DTNB: variants seen among roughly 807,000 people sequenced by gnomAD.
DTNB encodes dystrobrevin beta, also known as DTN-B.
Under a neutral mutation model 90.7 loss-of-function variants are expected in DTNB, and 63 were observed. That is an observed-to-expected ratio of 0.69 (90% CI 0.57 to 0.86). The LOEUF is 0.86. Ranked by LOEUF, DTNB falls within the 40% of genes least tolerant of loss-of-function variation. The pLI, the probability that DTNB is intolerant of heterozygous loss-of-function variation, is 0.00. For missense variants in DTNB, 744 were observed against 807.1 expected, an observed-to-expected ratio of 0.92 and a Z score of 0.95; for synonymous variants, 277 against 286.7, an observed-to-expected ratio of 0.97 and a Z score of 0.34.
At chr2:25,481,665 C>T (rs2064996120) in intron 10 of DTNB, 1 of 152,224 alleles carries the variant, frequency 6.6e-6, no homozygotes, top group Admixed American at 6.5e-5. Flanking sequence ...TATTAAGTCC[C>T]TAACTTCTCT....
chr2:25,472,748 G>C (rs937889803), intron 10 of DTNB, among the ~76,000 whole-genome samples: 1 of 152,166 alleles, frequency 6.6e-6, no homozygotes, highest in African/African-American at 2.4e-5. Flanking sequence ...GCTGGGTGTG[G>C]TGGCACACGC....
intron 10 of DTNB, among the ~76,000 whole-genome samples, chr2:25,461,969 C>T (rs1356406746): frequency 6.6e-6 from 1 of 152,172 alleles, no homozygotes; most frequent in Non-Finnish European, 1.5e-5. Context: ...ATTCCCAAGG[C>T]ATCCCCTAGC....
intron 9 of DTNB, among the ~76,000 whole-genome samples, chr2:25,487,838 G>A (rs767304207): frequency 6.6e-5 from 10 of 152,222 alleles, no homozygotes; most frequent in Non-Finnish European, 1.5e-4. Context: ...GAAAGGTAGA[G>A]GAGAGGCAGG....
At chr2:25,549,296 A>G (rs997422141) in intron 8 of DTNB, among the ~76,000 whole-genome samples, 1 of 151,520 alleles carries the variant, frequency 6.6e-6, no homozygotes, top group Non-Finnish European at 1.5e-5. Flanking sequence ...TGTATCTTCT[A>G]TTTTTCATGA....
intron 8 of DTNB, among the ~76,000 whole-genome samples, chr2:25,557,809 C>T (rs567180998): frequency 2.0e-5 from 3 of 152,274 alleles, no homozygotes; most frequent in African/African-American, 7.2e-5. Flanking sequence ...TCAGTTGCTG[C>T]TTCCTACAGA....
At chr2:25,454,048 G>T (rs550328898) in intron 11 of DTNB, among the ~76,000 whole-genome samples, 105 of 152,056 alleles carry the variant, frequency 6.9e-4, no homozygotes, top group Middle Eastern at 3.4e-3. Context: ...TACTCGGGAG[G>T]TTGAGGCAGG....
intron 19 of DTNB, among the ~76,000 whole-genome samples, chr2:25,381,246 G>A (rs1242940670): frequency 6.6e-6 from 1 of 152,204 alleles, no homozygotes; most frequent in Non-Finnish European, 1.5e-5. Context: ...GTTTACACCA[G>A]TGTAAATTTA....
intron 8 of DTNB, among the ~76,000 whole-genome samples, chr2:25,567,662 C>T (rs1311769785): frequency 6.6e-6 from 1 of 152,080 alleles, no homozygotes; most frequent in Non-Finnish European, 1.5e-5. Flanking sequence ...ACATAACTAC[C>T]CTCCATGAAG....
intron 18 of DTNB, chr2:25,385,933 T>C: frequency 1.2e-6 from 1 of 824,246 alleles, no homozygotes; most frequent in African/African-American, 1.8e-5. Context: ...TGTAGTTAAT[T>C]CCCATGGCCC....
rs2071789546 is a variant in DTNB, at chr2:25,504,473, G to A, written c.1002-21600C>T. Among the ~76,000 whole-genome samples, 6 of 147,852 alleles carry A rather than the reference G, an allele frequency of 4.1e-5. No individual in the cohort carries two copies. In the Admixed American group the frequency reaches 4.1e-4, roughly 10 times the overall value. On this transcript the variant is annotated intron_variant, in intron 9 of 20. Coordinates refer to ENST00000406818, the MANE Select transcript of DTNB (RefSeq NM_021907.5). ...GAAAGAAAGGAAGGAAGGAAGGAAG[G>A]AAAGAAGGAAAGACAAGAAAGAAGG... is the stretch of plus-strand genomic sequence containing the variant.
intron 12 of DTNB, among the ~76,000 whole-genome samples, chr2:25,439,286 G>A (rs1202635397): frequency 6.6e-6 from 1 of 152,092 alleles, no homozygotes; most frequent in Non-Finnish European, 1.5e-5. Context: ...GGTCATTTGA[G>A]GCCAGGAGTT....
chr2:25,513,341 T>A (rs2074329813), intron 9 of DTNB, among the ~76,000 whole-genome samples: 1 of 152,212 alleles, frequency 6.6e-6, no homozygotes. Context: ...AATGATTACT[T>A]TTTAAGGATT....
intron 15 of DTNB, among the ~76,000 whole-genome samples, chr2:25,420,200 G>A (rs897050362): frequency 6.7e-6 from 1 of 149,088 alleles, no homozygotes; most frequent in Non-Finnish European, 1.5e-5. Flanking sequence ...TTCTTATTTG[G>A]TCCCCTCTCC....
chr2:25,517,275 G>C (rs886984231), intron 9 of DTNB, among the ~76,000 whole-genome samples: 1 of 152,202 alleles, frequency 6.6e-6, no homozygotes, highest in African/African-American at 2.4e-5. Context: ...TTGCCTTAGG[G>C]CTGGAAGTGG....
rs188708760 is a variant in DTNB at position 25,574,136 on chromosome 2, C to G, written c.876+2702G>C. On this transcript the variant is annotated intron_variant, in intron 8 of 20. Transcript: ENST00000406818. ...CTACACGAAGGCTGAAAAGTGTAGT[C>G]TAGACATGTGCCAACAAGAATAGGA... Among the ~76,000 whole-genome samples, 59 of 152,294 alleles carry G rather than the reference C, an allele frequency of 3.9e-4. 3 individuals are homozygous for G. Among genetic ancestry groups the G allele is most frequent in the Admixed American group, 3.8e-3 (58 of 15,306 alleles).
At chr2:25,475,468 G>A (rs2063567294) in intron 10 of DTNB, among the ~76,000 whole-genome samples, 1 of 152,250 alleles carries the variant, frequency 6.6e-6, no homozygotes, top group Admixed American at 6.5e-5. Context: ...TGAGGTTTAA[G>A]GAAAGAACCA....
chr2:25,436,951 T>C lies in DTNB; in HGVS notation c.1258-2956A>G, dbSNP rs144698801. ...CTTCTCTGGAAGTATCTAGAGAAGC[T>C]TTCTGGTTTTGAGTAACTGCAAAGC... On this transcript the variant is annotated intron_variant, in intron 12 of 20. Transcript: ENST00000406818. Among the ~76,000 whole-genome samples, 523 of 152,346 alleles carry C rather than the reference T, an allele frequency of 3.4e-3. 4 individuals are homozygous for C. The highest frequency in any genetic ancestry group is 6.8e-3 in the Middle Eastern group (2 of 294).
At chr2:25,650,464 C>T (rs1396430828) in intron 2 of DTNB, among the ~76,000 whole-genome samples, 1 of 152,026 alleles carries the variant, frequency 6.6e-6, no homozygotes, top group Admixed American at 6.6e-5. Context: ...TGTGCAAAGG[C>T]GGAAAGGCAT....
chr2:25,620,353 T>C (rs2072183846), intron 4 of DTNB, among the ~76,000 whole-genome samples: 1 of 152,170 alleles, frequency 6.6e-6, no homozygotes, highest in Non-Finnish European at 1.5e-5. Flanking sequence ...TGAAACAGTG[T>C]CTTGATCAGA....
Sources: gnomAD v4.1 joint callset for allele counts (sites outside exome capture counted in the v4.1 genomes callset) on GRCh38, gnomAD v4.1.1 for gene constraint, MANE v1.5 for transcripts, NCBI Gene and HGNC (gene_info 2026-07-23, HGNC 2026-07-21) for gene names.